RHOF: variants seen among roughly 807,000 people sequenced by gnomAD.
RHOF encodes rho-related GTP-binding protein RhoF.
Under a neutral mutation model 22.2 loss-of-function variants are expected in RHOF, and 21 were observed. That is an observed-to-expected ratio of 0.95 (90% CI 0.67 to 1.36). RHOF has a LOEUF of 1.36. RHOF is among the 40% of genes most tolerant of loss of function. The pLI, the probability that RHOF is intolerant of heterozygous loss-of-function variation, is 0.00. For synonymous variants in RHOF, 135 were observed against 131.2 expected (o/e 1.03, Z -0.20); for missense variants, 285 against 293.7 (o/e 0.97, Z 0.22).
Position 121,779,471 on chromosome 12 carries a change from G to A in RHOF, c.*27C>T. On this transcript the variant is annotated 3_prime_UTR_variant, in exon 5 of 5. Transcript: ENST00000267205. ...ACCTGGGCCCCCGGGCCCTGTCAGT[G>A]CTGTCGTGAGGTCTGTCTGCCCTGG... The A allele has an allele frequency of 6.2e-7, 1 of 1,606,234 alleles. No individual in the cohort carries two copies. Among genetic ancestry groups the A allele is most frequent in the South Asian group, 1.1e-5 (1 of 91,024 alleles).
At chr12:121,791,699 A>G (rs1387597259) in intron 2 of RHOF, among the ~76,000 whole-genome samples, 1 of 152,242 alleles carries the variant, frequency 6.6e-6, no homozygotes, top group Non-Finnish European at 1.5e-5. Flanking sequence ...CAGAAAGGCC[A>G]TCCCTGTTCT....
chr12:121,779,521 G>A lies in RHOF; in HGVS notation c.613C>T (p.Arg205Cys), dbSNP rs1050136100. 2.2e-5 allele frequency: 35 copies of A among 1,612,770 alleles called. No homozygotes were observed. The East Asian group carries it at 2.5e-4, about 11-fold the overall frequency. The change falls in exon 5 of 5, where the codon CGC (arginine) becomes TGC (cysteine). Residue 205 changes from arginine (R) to cysteine (C), a missense_variant. Transcript: ENST00000267205. ...GGTCAGAGCAGCAGGCAGAGCCGGCGCTTCTTCTGCCGTTGCGCCTTCTTC... is the reference window on the plus strand; with the variant it reads ...GGTCAGAGCAGCAGGCAGAGCCGGCACTTCTTCTGCCGTTGCGCCTTCTTC... Reference protein sequence around the residue: ...ALKKAQRQKKRRLCLLL With the variant: ...ALKKAQRQKKCRLCLLL
At chr12:121,792,336 A>G (rs978449567) in intron 2 of RHOF, among the ~76,000 whole-genome samples, 6 of 152,170 alleles carry the variant, frequency 3.9e-5, no homozygotes, top group Non-Finnish European at 2.9e-5. Flanking sequence ...TTGGTCCCCA[A>G]TGTTGATGAA....
chr12:121,777,820 G>C lies in RHOF; in HGVS notation c.*1678C>G, dbSNP rs1310062699. 6.6e-6 allele frequency: 1 copy of C among 152,234 alleles called. No homozygotes were observed. The highest frequency in any genetic ancestry group is 2.4e-5 in the African/African-American group (1 of 41,456). 9.4% of individuals were successfully genotyped at this position (152,234 alleles called of 1,614,324 possible). On this transcript the variant is annotated 3_prime_UTR_variant, in exon 5 of 5. Coordinates refer to ENST00000267205, the MANE Select transcript of RHOF (RefSeq NM_019034.3). ...GGCCAGATGTGGCCCACAGGCTGTA[G>C]TTGTTGGACCTCTACCGTAGACCAT...
chr12:121,788,952 G>T (rs556772720), intron 2 of RHOF, among the ~76,000 whole-genome samples: 1 of 152,122 alleles, frequency 6.6e-6, no homozygotes, highest in Non-Finnish European at 1.5e-5. Flanking sequence ...GCCACCAGGT[G>T]ATACCATTAC....
chr12:121,788,106 C>T (rs894541889), intron 2 of RHOF, among the ~76,000 whole-genome samples: 1 of 152,070 alleles, frequency 6.6e-6, no homozygotes, highest in Admixed American at 6.6e-5. Flanking sequence ...ACTCATCTTT[C>T]CCCCAAAAGC....
intron 2 of RHOF, among the ~76,000 whole-genome samples, chr12:121,786,902 G>C (rs756488980): frequency 6.6e-6 from 1 of 152,134 alleles, no homozygotes; most frequent in Non-Finnish European, 1.5e-5. Flanking sequence ...GCCGGGTATG[G>C]GGCCAGGCAC....
chr12:121,787,443 A>G (rs972466351), intron 2 of RHOF, among the ~76,000 whole-genome samples: 5 of 152,208 alleles, frequency 3.3e-5, no homozygotes, highest in African/African-American at 9.6e-5. Context: ...AGGCCATTCT[A>G]AAAGCACCAG....
intron 2 of RHOF, among the ~76,000 whole-genome samples, chr12:121,788,116 C>A (rs1014416680): frequency 1.3e-5 from 2 of 152,134 alleles, no homozygotes; most frequent in Admixed American, 1.3e-4. Context: ...CCCCCAAAAG[C>A]CCTACAAGGT....
In RHOF at chr12:121,779,373, A is replaced by G. The variant is rs1874355098; in HGVS notation, c.*125T>C. ...AAGGAGAGAGTTCCAGAATGTTCCA[A>G]GAGTCTAGCCGCAGGCCCCAGACAC... On this transcript the variant is annotated 3_prime_UTR_variant, in exon 5 of 5. Coordinates refer to ENST00000267205, the MANE Select transcript of RHOF (RefSeq NM_019034.3). 3.0e-6 allele frequency: 3 copies of G among 1,016,082 alleles called. No homozygotes were observed. The highest frequency in any genetic ancestry group is 2.7e-5 in the Admixed American group (1 of 37,360). The allele number at this position is 1,016,082 out of a possible 1,614,324, so 62.9% of individuals were successfully genotyped here. A position where few individuals can be genotyped will look rare whatever the true frequency, so the allele number is the denominator to read the frequency against.
rs1592954233 is a variant in RHOF, at chr12:121,779,398, C to A, written c.*100G>T. 1 of 1,305,162 alleles carries A rather than the reference C, an allele frequency of 7.7e-7. No homozygotes were observed. Among genetic ancestry groups the A allele is most frequent in the Admixed American group, 2.1e-5 (1 of 46,636 alleles). 80.8% of individuals were successfully genotyped at this position (1,305,162 alleles called of 1,614,324 possible). Reference sequence around the variant, plus strand: ...AGAGTCTAGCCGCAGGCCCCAGACACCATGAGCTGGAGGGTCGGGATGGGG... The same window carrying A: ...AGAGTCTAGCCGCAGGCCCCAGACAACATGAGCTGGAGGGTCGGGATGGGG... On this transcript the variant is annotated 3_prime_UTR_variant, in exon 5 of 5. Coordinates refer to ENST00000267205, the MANE Select transcript of RHOF (RefSeq NM_019034.3).
At chr12:121,788,183 A>G (rs1471616565) in intron 2 of RHOF, among the ~76,000 whole-genome samples, 1 of 152,188 alleles carries the variant, frequency 6.6e-6, no homozygotes, top group Admixed American at 6.5e-5. Context: ...AGAGAGCTGG[A>G]GTGACTTGCC....
intron 2 of RHOF, among the ~76,000 whole-genome samples, chr12:121,790,086 GC>G (rs1483935244): frequency 6.6e-6 from 1 of 152,206 alleles, no homozygotes; most frequent in Non-Finnish European, 1.5e-5. Flanking sequence ...AGCCCTGCGA[GC>G]CCCGTCACCC....
Position 121,793,590 on chromosome 12 carries a change from G to C in RHOF, c.44C>G (p.Pro15Arg). The stretch of plus-strand genomic sequence containing the variant: ...CACGATCTTCAGCTCCTTCCTGCCC[G>C]GACCGGGGGCGGCGGTCTGGGCCAG... ...GALAQTAAPG[P>R]GRKELKIVIV... The change falls in exon 1 of 5, where the codon CCG becomes CGG. Residue 15 changes from proline (P) to arginine (R), a missense_variant. Pro to Arg is a moderately radical substitution (Grantham distance 103, BLOSUM62 -2). Transcript: ENST00000267205. The C allele has an allele frequency of 6.4e-7, 1 of 1,552,558 alleles. No individual in the cohort carries two copies. The highest frequency in any genetic ancestry group is 1.2e-5 in the South Asian group (1 of 84,880).
In RHOF at chr12:121,793,623, G is replaced by C; in HGVS notation, c.11C>G (p.Pro4Arg). Reference protein sequence around the residue: MDAPGALAQTAAPG... With the variant: MDARGALAQTAAPG... ...GGCGGCGGTCTGGGCCAGGGCCCCG[G>C]GGGCATCCATTGCCCGGAGCCCGCA... The change falls in exon 1 of 5, where the codon CCC (proline) becomes CGC (arginine). Residue 4 changes from proline to arginine, a missense_variant. Coordinates refer to ENST00000267205, the MANE Select transcript of RHOF (RefSeq NM_019034.3). 1 of 1,543,382 alleles carries C rather than the reference G, an allele frequency of 6.5e-7. No individual in the cohort carries two copies. The highest frequency in any genetic ancestry group is 8.7e-7 in the Non-Finnish European group (1 of 1,150,752).
At chr12:121,790,010 G>A (rs1451884868) in intron 2 of RHOF, among the ~76,000 whole-genome samples, 9 of 152,344 alleles carry the variant, frequency 5.9e-5, no homozygotes, top group Admixed American at 5.2e-4. Context: ...CTGCCTCAGA[G>A]GATGTCAGGG....
intron 1 of RHOF, 113 bp from the exon 2 acceptor site, chr12:121,793,352 G>A: frequency 7.0e-7 from 1 of 1,425,962 alleles, no homozygotes; most frequent in South Asian, 1.2e-5. Context: ...CCCTCACCCC[G>A]CTGGGCTCTG....
chr12:121,793,663 G>C lies in RHOF; in HGVS notation c.-30C>G, dbSNP rs769533226. 25 of 1,510,822 alleles carry C rather than the reference G, an allele frequency of 1.7e-5. 1 individual carries two copies. The South Asian group carries it at 2.3e-4, about 14-fold the overall frequency. 93.6% of individuals were successfully genotyped at this position (1,510,822 alleles called of 1,614,324 possible). A position where few individuals can be genotyped will look rare whatever the true frequency, so the allele number is the denominator to read the frequency against. On this transcript the variant is annotated 5_prime_UTR_variant, in exon 1 of 5. Coordinates refer to ENST00000267205, the MANE Select transcript of RHOF (RefSeq NM_019034.3). ...CGGAGCCCGCAGCACTGGCGGCGGC[G>C]CGCCGGGCACTAGCGGAGCCAAGAG... is the stretch of plus-strand genomic sequence containing the variant.
At chr12:121,792,763 G>A (rs1874795638) in intron 2 of RHOF, among the ~76,000 whole-genome samples, 1 of 152,188 alleles carries the variant, frequency 6.6e-6, no homozygotes, top group Admixed American at 6.5e-5. Flanking sequence ...CACAGCCCAG[G>A]CAATCCGAGC....
Sources: allele counts gnomAD v4.1 joint callset (sites outside exome capture counted in the v4.1 genomes callset), GRCh38; gene constraint gnomAD v4.1.1; transcripts MANE v1.5; gene names NCBI Gene and HGNC (gene_info 2026-07-23, HGNC 2026-07-21).